SMG6: variants seen among roughly 807,000 people sequenced by gnomAD.
SMG6 encodes telomerase-binding protein EST1A.
In SMG6, 66 loss-of-function variants were observed where a neutral mutation model predicts 142.2. The observed-to-expected ratio is 0.46, with a 90% CI of 0.38 to 0.57. The LOEUF (loss-of-function observed/expected upper bound fraction) is 0.57, where lower values mean the gene tolerates loss of function less well. Ranked by LOEUF, SMG6 falls within the 20% of genes least tolerant of loss-of-function variation. The probability of loss-of-function intolerance (pLI) is 0.00; values close to 1 mark genes in which losing one functional copy is unlikely to be tolerated. For synonymous variants in SMG6, 779 were observed against 702.4 expected, an observed-to-expected ratio of 1.11 and a Z score of -1.72; for missense variants, 1,793 against 1,832.0, an observed-to-expected ratio of 0.98 and a Z score of 0.39.
intron 13 of SMG6, among the ~76,000 whole-genome samples, chr17:2,091,882 C>T (rs1037504476): frequency 1.3e-5 from 2 of 150,786 alleles, no homozygotes; most frequent in African/African-American, 4.8e-5. Context: ...CGAGGTTTCA[C>T]CGTGTTAGCC....
intron 13 of SMG6, chr17:2,087,016 T>G (rs564757688): frequency 8.2e-5 from 106 of 1,289,538 alleles, no homozygotes; most frequent in Non-Finnish European, 1.0e-4. Flanking sequence ...CGTTTCTTAG[T>G]GTGAAAGGAA....
chr17:2,161,416 A>T (rs2316512), intron 13 of SMG6, among the ~76,000 whole-genome samples: 53,301 of 146,320 alleles, frequency 0.36, 10,134 homozygotes, highest in African/African-American at 0.51. Flanking sequence ...TTATTTATTT[A>T]TTTTTTTTTT....
intron 12 of SMG6, among the ~76,000 whole-genome samples, chr17:2,183,642 T>C (rs929251452): frequency 2.3e-4 from 35 of 152,192 alleles, no homozygotes; most frequent in African/African-American, 8.4e-4. Flanking sequence ...TTTTCATGAG[T>C]CATGAAATAG....
At chr17:2,262,839 A>G (rs546040265) in intron 8 of SMG6, among the ~76,000 whole-genome samples, 4 of 152,322 alleles carry the variant, frequency 2.6e-5, no homozygotes, top group African/African-American at 9.6e-5. Flanking sequence ...TGCTCCATGA[A>G]TATTTATGGA....
chr17:2,090,356 A>G (rs1488134546), intron 13 of SMG6, among the ~76,000 whole-genome samples: 1 of 151,960 alleles, frequency 6.6e-6, no homozygotes, highest in Non-Finnish European at 1.5e-5. Context: ...TAGGGAGGGT[A>G]AGAGAGAACG....
chr17:2,245,410 G>C (rs1250144804), intron 8 of SMG6, among the ~76,000 whole-genome samples: 1 of 152,170 alleles, frequency 6.6e-6, no homozygotes, highest in African/African-American at 2.4e-5. Context: ...TTTTGAGACA[G>C]AATCTTGCTC....
intron 10 of SMG6, among the ~76,000 whole-genome samples, chr17:2,193,143 A>G (rs1567672713): frequency 6.6e-6 from 1 of 152,138 alleles, no homozygotes; most frequent in African/African-American, 2.4e-5. Context: ...AGGTGTCTGG[A>G]TGGCAGGGTG....
chr17:2,108,061 C>T (rs1295585829), intron 13 of SMG6, among the ~76,000 whole-genome samples: 1 of 151,452 alleles, frequency 6.6e-6, no homozygotes, highest in Non-Finnish European at 1.5e-5. Context: ...ATAAATCTAA[C>T]AGGTTTTTTT....
intron 13 of SMG6, among the ~76,000 whole-genome samples, chr17:2,114,105 T>C (rs1302547518): frequency 6.6e-6 from 1 of 151,650 alleles, no homozygotes; most frequent in Non-Finnish European, 1.5e-5. Context: ...CCGTCTCTAC[T>C]AAAAAAATAC....
chr17:2,206,613 G>A (rs1400398280), intron 10 of SMG6, among the ~76,000 whole-genome samples: 3 of 151,980 alleles, frequency 2.0e-5, no homozygotes, highest in African/African-American at 7.3e-5. Context: ...GGGAGCAGTG[G>A]CTCATGCCTG....
chr17:2,220,267 T>G (rs2073135911), intron 10 of SMG6, among the ~76,000 whole-genome samples: 1 of 152,180 alleles, frequency 6.6e-6, no homozygotes. Flanking sequence ...TAATTACAGC[T>G]TTATTTATAA....
intron 6 of SMG6, among the ~76,000 whole-genome samples, chr17:2,291,279 C>A (rs1171929933): frequency 6.6e-6 from 1 of 151,370 alleles, no homozygotes; most frequent in Non-Finnish European, 1.5e-5. Context: ...TGCCGTGAGC[C>A]GAGATCGCGC....
chr17:2,114,501 G>C (rs1374333598), intron 13 of SMG6, among the ~76,000 whole-genome samples: 1 of 152,130 alleles, frequency 6.6e-6, no homozygotes, highest in East Asian at 1.9e-4. Flanking sequence ...ACTGGAGTGA[G>C]AAAAAGGACA....
intron 10 of SMG6, among the ~76,000 whole-genome samples, chr17:2,196,147 A>G (rs2072318072): frequency 6.6e-6 from 1 of 152,234 alleles, no homozygotes; most frequent in Admixed American, 6.5e-5. Context: ...AAAGCCAGGC[A>G]TGGTGACTCA....
chr17:2,125,254 C>T (rs982516342), intron 13 of SMG6, among the ~76,000 whole-genome samples: 4 of 152,200 alleles, frequency 2.6e-5, no homozygotes, highest in Non-Finnish European at 5.9e-5. Context: ...CAGAGATAAC[C>T]TGGAGGGACC....
chr17:2,255,743 GGGGGAAAGGT>G lies in SMG6; in HGVS notation c.2662-11034_2662-11025del, dbSNP rs1311582034. ...GATGGCGGTTTTGTGGAATAGAAAGGGGGGAAAGGTGGGGAAAGAATAGAGAAATTAGATT... is the reference window on the plus strand; with the variant it reads ...GATGGCGGTTTTGTGGAATAGAAAGGGGGGAAAGAATAGAGAAATTAGATT... On this transcript the variant is annotated intron_variant, in intron 8 of 18. Coordinates refer to ENST00000263073, the MANE Select transcript of SMG6 (RefSeq NM_017575.5). The G allele has an allele frequency of 3.0e-5, 6 of 198,372 alleles. No homozygotes were observed. The East Asian group carries it at 4.9e-4, about 16-fold the overall frequency. The allele number at this position is 198,372 out of a possible 1,614,324, so 12.3% of individuals were successfully genotyped here.
chr17:2,207,551 G>C (rs568330081), intron 10 of SMG6, among the ~76,000 whole-genome samples: 54 of 152,064 alleles, frequency 3.6e-4, no homozygotes, highest in African/African-American at 1.3e-3. Flanking sequence ...AGATAAATGA[G>C]AAAGTGACAT....
chr17:2,227,537 C>T (rs1354297370), intron 10 of SMG6, among the ~76,000 whole-genome samples: 1 of 152,142 alleles, frequency 6.6e-6, no homozygotes, highest in Admixed American at 6.5e-5. Flanking sequence ...ATCTAACATA[C>T]GGTGACAGAA....
At chr17:2,256,715 C>T (rs965038737) in intron 8 of SMG6, among the ~76,000 whole-genome samples, 1 of 152,138 alleles carries the variant, frequency 6.6e-6, no homozygotes, top group Admixed American at 6.5e-5. Context: ...GCAGAGATTG[C>T]AGTGAGCCGT....
Sources: gnomAD v4.1 joint callset for allele counts (sites outside exome capture counted in the v4.1 genomes callset) on GRCh38, gnomAD v4.1.1 for gene constraint, MANE v1.5 for transcripts, NCBI Gene and HGNC (gene_info 2026-07-23, HGNC 2026-07-21) for gene names.